RIMS2: variants seen among roughly 807,000 people sequenced by gnomAD.
RIMS2 encodes the protein regulating synaptic membrane exocytosis protein 2.
RIMS2 carries 59 observed loss-of-function variants against 174.4 expected under a neutral mutation model. That is an observed-to-expected ratio of 0.34 (90% CI 0.27 to 0.42). RIMS2 has a LOEUF of 0.42. Ranked by LOEUF, RIMS2 falls within the 10% of genes least tolerant of loss-of-function variation. RIMS2 has a pLI of 1.00. For missense variants in RIMS2, 1,620 were observed against 1,666.3 expected (o/e 0.97, Z 0.48); for synonymous variants, 606 against 572.5 (o/e 1.06, Z -0.84).
At chr8:104,028,202 T>C (rs1317882420) in intron 19 of RIMS2, among the ~76,000 whole-genome samples, 1 of 151,368 alleles carries the variant, frequency 6.6e-6, no homozygotes, top group Non-Finnish European at 1.5e-5. Flanking sequence ...CTTTAAATTA[T>C]AGTGTTCAGA....
In RIMS2 at chr8:104,219,890, G is replaced by C. The variant is rs540436280; in HGVS notation, c.3335-25026G>C. On this transcript the variant is annotated intron_variant, in intron 19 of 23. Transcript: ENST00000504942. ...GGACATTTTCAATCTTTTATCAGTA[G>C]TTTATTTTTATGTAAATTTTTAAAT... Among the ~76,000 whole-genome samples, 3 of 152,182 alleles carry C rather than the reference G, an allele frequency of 2.0e-5. No homozygotes were observed. In the East Asian group the frequency reaches 5.8e-4, roughly 29 times the overall value.
chr8:104,166,039 TGGA>T (rs889146316), intron 19 of RIMS2, among the ~76,000 whole-genome samples: 1 of 149,974 alleles, frequency 6.7e-6, no homozygotes, highest in Non-Finnish European at 1.5e-5. Context: ...CACTTCTCAC[TGGA>T]GTGGTATTTT....
rs117824928 is a variant in RIMS2 at position 103,849,633 on chromosome 8, G to A, written c.699-35665G>A. On this transcript the variant is annotated intron_variant, in intron 3 of 23. Coordinates refer to ENST00000504942, the Ensembl canonical transcript of RIMS2. Reference sequence around the variant, plus strand: ...CTGAACCATACCTGGGGAGGGAATAGCAGTGCTACTTTCCAGTGGAGGTGA... The same window carrying A: ...CTGAACCATACCTGGGGAGGGAATAACAGTGCTACTTTCCAGTGGAGGTGA... Among the ~76,000 whole-genome samples the A allele has an allele frequency of 6.5e-3, 985 of 152,116 alleles. 5 individuals carry two copies. The highest frequency in any genetic ancestry group is 0.011 in the Non-Finnish European group (773 of 67,936).
At position 104,239,090 on chromosome 8, in the gene RIMS2, G is replaced by T. The variant is rs148117415; in HGVS notation, c.3335-5826G>T. Among the ~76,000 whole-genome samples the T allele has an allele frequency of 9.9e-3, 1,508 of 152,302 alleles. 21 individuals carry two copies. The highest frequency in any genetic ancestry group is 0.033 in the African/African-American group (1,358 of 41,564). Reference sequence around the variant, plus strand: ...ATGTGAATCCAAGATTTGAAAGGAGGTCACCATGACATTAAGTTTGACAAT... The same window carrying T: ...ATGTGAATCCAAGATTTGAAAGGAGTTCACCATGACATTAAGTTTGACAAT... On this transcript the variant is annotated intron_variant, in intron 19 of 23. Coordinates refer to ENST00000504942, the Ensembl canonical transcript of RIMS2.
chr8:103,590,208 CT>C (rs527455270), intron 1 of RIMS2, among the ~76,000 whole-genome samples: 77 of 151,224 alleles, frequency 5.1e-4, no homozygotes, highest in South Asian at 4.0e-3. Context: ...ATATATACAC[CT>C]ACTATGTATC....
intron 19 of RIMS2, among the ~76,000 whole-genome samples, chr8:104,091,703 T>C (rs145865071): frequency 0.02 from 3,076 of 151,182 alleles, 45 homozygotes; most frequent in Middle Eastern, 0.11. Flanking sequence ...CACCATTCAT[T>C]TAAATGCTAT....
At chr8:103,554,255 C>A (rs1849411429) in intron 1 of RIMS2, among the ~76,000 whole-genome samples, 1 of 152,086 alleles carries the variant, frequency 6.6e-6, no homozygotes, top group Admixed American at 6.6e-5. Flanking sequence ...AAATAGACAA[C>A]CTACAGAATG....
intron 1 of RIMS2, among the ~76,000 whole-genome samples, chr8:103,560,679 A>G (rs1385988283): frequency 1.3e-5 from 2 of 152,232 alleles, no homozygotes; most frequent in Admixed American, 6.5e-5. Context: ...AGAGATTGTT[A>G]AAGAACACAA....
intron 1 of RIMS2, among the ~76,000 whole-genome samples, chr8:103,595,032 A>G (rs955760718): frequency 5.3e-5 from 8 of 151,794 alleles, no homozygotes; most frequent in Non-Finnish European, 2.9e-5. Context: ...CTGTGAGTAG[A>G]TGACCATGTC....
At chr8:103,971,667 G>C (rs565265069) in intron 15 of RIMS2, among the ~76,000 whole-genome samples, 1 of 152,098 alleles carries the variant, frequency 6.6e-6, no homozygotes, top group East Asian at 1.9e-4. Flanking sequence ...CACCTCCCGG[G>C]TTCAAGCAAT....
intron 1 of RIMS2, among the ~76,000 whole-genome samples, chr8:103,684,711 T>C (rs1394843053): frequency 1.3e-5 from 2 of 151,760 alleles, no homozygotes; most frequent in Non-Finnish European, 2.9e-5. Flanking sequence ...CTCAGCCTCT[T>C]GAGTAGCTGG....
intron 1 of RIMS2, among the ~76,000 whole-genome samples, chr8:103,694,346 TGCTGAGTGG>T (rs1373395313): frequency 6.6e-6 from 1 of 152,148 alleles, no homozygotes; most frequent in Non-Finnish European, 1.5e-5. Context: ...GCTGGTCTTC[TGCTGAGTGG>T]GCCTGGAACT....
intron 17 of RIMS2, among the ~76,000 whole-genome samples, chr8:104,002,478 A>C (rs2095427125): frequency 6.6e-6 from 1 of 152,204 alleles, no homozygotes; most frequent in Admixed American, 6.5e-5. Flanking sequence ...ATAATTGACC[A>C]CATAAAAGTG....
At chr8:104,036,177 GTCTC>G (rs1565959523) in intron 19 of RIMS2, among the ~76,000 whole-genome samples, 2 of 150,574 alleles carry the variant, frequency 1.3e-5, no homozygotes, top group East Asian at 2.0e-4. Flanking sequence ...TTGAGATGGG[GTCTC>G]TCTCTGTCAC....
chr8:103,800,444 A>G (rs2098598989), intron 3 of RIMS2, among the ~76,000 whole-genome samples: 1 of 152,142 alleles, frequency 6.6e-6, no homozygotes. Context: ...TTTCACAATC[A>G]AATGTGATGT....
intron 18 of RIMS2, 76 bp downstream of exon 20, chr8:104,013,697 G>T: frequency 8.3e-7 from 1 of 1,206,280 alleles, no homozygotes; most frequent in Non-Finnish European, 1.2e-6. Context: ...ACAGTTAACT[G>T]GTCTCTTCTA....
At chr8:103,774,780 G>A (rs1297811088) in intron 3 of RIMS2, among the ~76,000 whole-genome samples, 18 of 152,128 alleles carry the variant, frequency 1.2e-4, no homozygotes, top group Non-Finnish European at 2.6e-4. Flanking sequence ...AACTTTCTGG[G>A]GTGATGAAAA....
intron 3 of RIMS2, chr8:103,819,468 G>T (rs1193404712): frequency 1.9e-6 from 3 of 1,607,544 alleles, no homozygotes; most frequent in Non-Finnish European, 2.5e-6. Context: ...AAGACAGGTG[G>T]TAGGGAAAAA....
chr8:103,771,045 G>C (rs533674878), intron 3 of RIMS2, among the ~76,000 whole-genome samples: 1 of 152,252 alleles, frequency 6.6e-6, no homozygotes, highest in South Asian at 2.1e-4. Flanking sequence ...TGATGTAGTA[G>C]TTTTGACCTT....
Sources: gnomAD v4.1 joint callset for allele counts (sites outside exome capture counted in the v4.1 genomes callset) on GRCh38, gnomAD v4.1.1 for gene constraint, MANE v1.5 for transcripts, NCBI Gene and HGNC (gene_info 2026-07-23, HGNC 2026-07-21) for gene names.